Variants in GABRR2 observed in about 807,000 individuals in gnomAD.
GABRR2 encodes the protein gamma-aminobutyric acid receptor subunit rho-2.
In GABRR2, 36 loss-of-function variants were observed where a neutral mutation model predicts 47.0. That is an observed-to-expected ratio of 0.77 (90% CI 0.59 to 1.01). The LOEUF is 1.01. Ranked by LOEUF, GABRR2 falls within the 50% of genes least tolerant of loss-of-function variation. GABRR2 has a pLI of 0.00. For missense variants in GABRR2, 587 were observed against 594.6 expected (o/e 0.99, Z 0.13); for synonymous variants, 204 against 227.5 (o/e 0.90, Z 0.93).
At chr6:89,306,918 CTT>C (rs5878089) in intron 1 of GABRR2, among the ~76,000 whole-genome samples, 23,666 of 152,172 alleles carry the variant, frequency 0.16, 1,895 homozygotes, top group South Asian at 0.22. Context: ...ACCTGTTCCT[CTT>C]ATAGGCTTTT....
chr6:89,271,543 C>A (rs752825253), intron 3 of GABRR2, 112 bp downstream of exon 3: 2 of 879,394 alleles, frequency 2.3e-6, no homozygotes, highest in Non-Finnish European at 3.6e-6. Flanking sequence ...GACTTCCAAG[C>A]GCCCATTTTA....
At chr6:89,301,963 C>T in intron 1 of GABRR2, 1 of 869,978 alleles carries the variant, frequency 1.1e-6, no homozygotes, top group Non-Finnish European at 1.9e-6. Flanking sequence ...TAAGTATGTG[C>T]CTCGGGCCAT....
intron 1 of GABRR2, among the ~76,000 whole-genome samples, chr6:89,312,194 AG>A (rs2127852680): frequency 6.6e-6 from 1 of 152,326 alleles, no homozygotes; most frequent in East Asian, 1.9e-4. Context: ...TGTGGTCAGG[AG>A]GCCAACTTTG....
At chr6:89,300,064 G>A (rs1370171178) in intron 1 of GABRR2, among the ~76,000 whole-genome samples, 199 bp from the exon 2 acceptor site, 1 of 152,316 alleles carries the variant, frequency 6.6e-6, no homozygotes, top group East Asian at 1.9e-4. Context: ...TGAGGACCAG[G>A]TTCTTCTGGA....
chr6:89,290,216 G>T (rs1774413553), intron 2 of GABRR2, among the ~76,000 whole-genome samples: 1 of 152,250 alleles, frequency 6.6e-6, no homozygotes, highest in Non-Finnish European at 1.5e-5. Context: ...AGAACTTGCA[G>T]ACTCCAGGGA....
At chr6:89,305,710 C>T (rs930977445) in intron 1 of GABRR2, among the ~76,000 whole-genome samples, 8 of 152,080 alleles carry the variant, frequency 5.3e-5, no homozygotes, top group African/African-American at 1.4e-4. Flanking sequence ...AAATCAAATA[C>T]CACATGTATT....
intron 1 of GABRR2, chr6:89,302,439 C>T (rs1220091524): frequency 1.2e-5 from 7 of 580,422 alleles, no homozygotes; most frequent in South Asian, 7.3e-5. Flanking sequence ...CGCCCACCTA[C>T]GGGGACCTCA....
At chr6:89,313,830 T>A (rs945058215) in intron 1 of GABRR2, among the ~76,000 whole-genome samples, 27 of 152,176 alleles carry the variant, frequency 1.8e-4, no homozygotes, top group Non-Finnish European at 3.5e-4. Context: ...GGCAGGAGAA[T>A]CGCTTGAACC....
intron 1 of GABRR2, chr6:89,302,837 C>T: frequency 1.5e-6 from 2 of 1,377,610 alleles, no homozygotes; most frequent in East Asian, 5.8e-5. Flanking sequence ...ACATCCCACC[C>T]CCCAGCCTCA....
chr6:89,267,569 A>G, intron 6 of GABRR2, 110 bp downstream of exon 6: 1 of 1,166,382 alleles, frequency 8.6e-7, no homozygotes, highest in South Asian at 1.5e-5. Context: ...CTTGTCTCAA[A>G]ACAAAAAACA....
At chr6:89,308,273 G>A (rs1767607008) in intron 1 of GABRR2, among the ~76,000 whole-genome samples, 1 of 152,152 alleles carries the variant, frequency 6.6e-6, no homozygotes, top group Non-Finnish European at 1.5e-5. Context: ...ATAATTCAAT[G>A]GGAGGCCTAA....
intron 1 of GABRR2, among the ~76,000 whole-genome samples, chr6:89,304,902 A>G (rs1767532129): frequency 6.6e-6 from 1 of 152,216 alleles, no homozygotes; most frequent in Non-Finnish European, 1.5e-5. Context: ...AAAGCTAAAA[A>G]CAGAACTACC....
chr6:89,300,673 A>T (rs559369438), intron 1 of GABRR2, among the ~76,000 whole-genome samples: 1 of 150,494 alleles, frequency 6.6e-6, no homozygotes, highest in Admixed American at 6.7e-5. Context: ...ACCAGGAAGA[A>T]ATTGATTCCT....
At chr6:89,288,911 G>A (rs1774387591) in intron 2 of GABRR2, among the ~76,000 whole-genome samples, 1 of 152,174 alleles carries the variant, frequency 6.6e-6, no homozygotes, top group African/African-American at 2.4e-5. Flanking sequence ...CCAAATTGTT[G>A]GGATTGTAGG....
chr6:89,308,259 T>C (rs1439159817), intron 1 of GABRR2, among the ~76,000 whole-genome samples: 1 of 152,204 alleles, frequency 6.6e-6, no homozygotes, highest in East Asian at 1.9e-4. Context: ...TCTGCCCAGA[T>C]GGCATAATTC....
rs766749657 is a variant in GABRR2 at position 89,269,246 on chromosome 6, G to A, written c.289-12C>T. ...GTCATAGTGAAGTCCTGTGGGAGCC[G>A]GGGTGAGACCAGACAAAAATGGCTT... On this transcript the variant is annotated splice_polypyrimidine_tract_variant and intron_variant, in intron 3 of 8. Transcript: ENST00000402938. 1.1e-5 allele frequency: 18 copies of A among 1,609,148 alleles called. No homozygotes were observed. Among genetic ancestry groups the A allele is most frequent in the East Asian group, 6.7e-5 (3 of 44,844 alleles).
chr6:89,272,951 G>A (rs371102195), intron 2 of GABRR2, among the ~76,000 whole-genome samples: 4 of 152,132 alleles, frequency 2.6e-5, no homozygotes, highest in African/African-American at 4.8e-5. Context: ...AGATGGCCTC[G>A]CTGACTCCCC....
rs1195748385 is a variant in GABRR2 at position 89,255,841 on chromosome 6, C to G, written c.*1829G>C. 6.6e-6 allele frequency among the ~76,000 whole-genome samples: 1 copy of G among 152,114 alleles called. No homozygotes were observed. The highest frequency in any genetic ancestry group is 1.5e-5 in the Non-Finnish European group (1 of 68,010). ...TACTAGCAACTGTGCTTACTAAGCC[C>G]ACTTGAGTGTGGATGGTGTAACCAA... On this transcript the variant is annotated 3_prime_UTR_variant, in exon 9 of 9. Transcript: ENST00000402938.
At chr6:89,269,661 C>T (rs759173912) in intron 3 of GABRR2, among the ~76,000 whole-genome samples, 97 of 152,232 alleles carry the variant, frequency 6.4e-4, no homozygotes, top group South Asian at 2.3e-3. Context: ...TAGGAGGATT[C>T]TTGCCGTTAG....
Sources: gnomAD v4.1 joint callset for allele counts (sites outside exome capture counted in the v4.1 genomes callset) on GRCh38, gnomAD v4.1.1 for gene constraint, MANE v1.5 for transcripts, NCBI Gene and HGNC (gene_info 2026-07-23, HGNC 2026-07-21) for gene names.